Variants in SNX25 observed in about 807,000 individuals in gnomAD.
SNX25 encodes the protein sorting nexin 25, also known as sorting nexin-25.
Under a neutral mutation model 113.7 loss-of-function variants are expected in SNX25, and 62 were observed. The observed-to-expected ratio is 0.55, with a 90% CI of 0.44 to 0.67. The LOEUF is 0.67. SNX25 is among the 30% of genes least tolerant of loss of function. The pLI is 0.00. For synonymous variants in SNX25, 421 were observed against 436.2 expected (o/e 0.97, Z 0.43); for missense variants, 1,014 against 1,161.0 (o/e 0.87, Z 1.84).
intron 15 of SNX25, among the ~76,000 whole-genome samples, chr4:185,354,657 A>G (rs192021712): frequency 1.6e-4 from 24 of 152,344 alleles, no homozygotes; most frequent in African/African-American, 5.5e-4. Flanking sequence ...TAAGAGCTAT[A>G]CAAGTGCCTC....
intron 1 of SNX25, among the ~76,000 whole-genome samples, chr4:185,231,063 G>T (rs1468095215): frequency 6.6e-6 from 1 of 151,612 alleles, no homozygotes; most frequent in Non-Finnish European, 1.5e-5. Context: ...GTCGCACAAA[G>T]GCCTGTCTTA....
rs530709611 is a variant in SNX25, at chr4:185,349,953, A to G, written c.2302-1492A>G. ...GAGAACATCTCACTACTCCTGATCCATCCTCACATACAGGTTGAACTGACC... is the reference window on the plus strand; with the variant it reads ...GAGAACATCTCACTACTCCTGATCCGTCCTCACATACAGGTTGAACTGACC... On this transcript the variant is annotated intron_variant, in intron 13 of 18. Transcript: ENST00000652585. Among the ~76,000 whole-genome samples, 7 of 152,234 alleles carry G rather than the reference A, an allele frequency of 4.6e-5. No individual in the cohort carries two copies. The South Asian group carries it at 6.2e-4, about 13-fold the overall frequency.
Position 185,302,621 on chromosome 4 carries a change from C to T in SNX25, c.1163-8014C>T, listed in dbSNP as rs77579401. On this transcript the variant is annotated intron_variant, in intron 6 of 18. Transcript: ENST00000652585. ...CTTATAAAAGAGGCCTCAGAGACTG[C>T]CTTGCACCTTCTGCCATGTGAGGAT... Among the ~76,000 whole-genome samples, 1,392 of 152,316 alleles carry T rather than the reference C, an allele frequency of 9.1e-3. 19 individuals are homozygous for T. The highest frequency in any genetic ancestry group is 0.032 in the African/African-American group (1,319 of 41,560).
chr4:185,287,772 A>C (rs1751544034), intron 5 of SNX25, among the ~76,000 whole-genome samples: 1 of 151,932 alleles, frequency 6.6e-6, no homozygotes, highest in African/African-American at 2.4e-5. Flanking sequence ...TGGTATAGGG[A>C]ACAGAGTGGA....
At chr4:185,238,525 A>G (rs1396412150) in intron 1 of SNX25, among the ~76,000 whole-genome samples, 2 of 152,132 alleles carry the variant, frequency 1.3e-5, no homozygotes, top group African/African-American at 4.8e-5. Context: ...GTTGTTTCGA[A>G]AGAGGTCCTG....
chr4:185,354,912 CAGT>C (rs952805322), intron 15 of SNX25, among the ~76,000 whole-genome samples: 1 of 152,216 alleles, frequency 6.6e-6, no homozygotes, highest in African/African-American at 2.4e-5. Context: ...TAGTAAGACT[CAGT>C]AGTGGCACCA....
intron 1 of SNX25, among the ~76,000 whole-genome samples, chr4:185,237,916 A>G (rs1255570766): frequency 6.6e-6 from 1 of 151,646 alleles, no homozygotes; most frequent in Non-Finnish European, 1.5e-5. Flanking sequence ...TACAAAAATT[A>G]GCCGGGCGTG....
intron 5 of SNX25, among the ~76,000 whole-genome samples, chr4:185,287,578 G>A (rs1262284056): frequency 6.6e-6 from 1 of 152,236 alleles, no homozygotes; most frequent in Non-Finnish European, 1.5e-5. Flanking sequence ...CATTTGAAAT[G>A]TGGCTAGTGT....
intron 5 of SNX25, among the ~76,000 whole-genome samples, chr4:185,280,214 C>T (rs188504804): frequency 6.6e-6 from 1 of 152,318 alleles, no homozygotes; most frequent in East Asian, 1.9e-4. Context: ...CCACACCATG[C>T]TGCAGTTTTA....
intron 3 of SNX25, among the ~76,000 whole-genome samples, chr4:185,262,153 A>C (rs189636371): frequency 8.0e-4 from 122 of 152,310 alleles, no homozygotes; most frequent in African/African-American, 2.7e-3. Flanking sequence ...AAGAATAATA[A>C]ATTGCCTTAA....
intron 12 of SNX25, among the ~76,000 whole-genome samples, chr4:185,345,570 G>A (rs2126731407): frequency 6.6e-6 from 1 of 152,210 alleles, no homozygotes; most frequent in African/African-American, 2.4e-5. Flanking sequence ...TGAGGCAGGA[G>A]GATCGCTTGT....
intron 10 of SNX25, 149 bp from the exon 11 acceptor site, chr4:185,339,229 AT>A: frequency 1.6e-6 from 1 of 608,156 alleles, no homozygotes; most frequent in South Asian, 3.7e-5. Context: ...TGTAAGTGGA[AT>A]TTTTTTCTTA....
intron 2 of SNX25, among the ~76,000 whole-genome samples, chr4:185,248,037 C>T (rs754270204): frequency 1.2e-4 from 18 of 152,054 alleles, no homozygotes; most frequent in African/African-American, 4.8e-5. Context: ...TGATGTTAGA[C>T]GTGAAGTTAA....
chr4:185,212,870 T>A (rs1738172635), intron 1 of SNX25, among the ~76,000 whole-genome samples: 1 of 152,200 alleles, frequency 6.6e-6, no homozygotes, highest in South Asian at 2.1e-4. Flanking sequence ...AGAATCCTCA[T>A]TTATCCTTAT....
downstream of SNX25, among the ~76,000 whole-genome samples, chr4:185,371,459 G>A (rs370461788): frequency 2.7e-5 from 4 of 150,556 alleles, no homozygotes; most frequent in East Asian, 3.9e-4. Flanking sequence ...GGAGAATGGC[G>A]TGAACCCGGA....
At chr4:185,316,432 G>C (rs2095075046) in intron 7 of SNX25, among the ~76,000 whole-genome samples, 1 of 152,196 alleles carries the variant, frequency 6.6e-6, no homozygotes, top group Non-Finnish European at 1.5e-5. Context: ...TCCAAAGCCT[G>C]AGCAACTCTA....
chr4:185,338,705 T>C (rs2095245099), intron 10 of SNX25, among the ~76,000 whole-genome samples: 1 of 152,254 alleles, frequency 6.6e-6, no homozygotes, highest in Non-Finnish European at 1.5e-5. Flanking sequence ...TGCCTGTGAA[T>C]GTCCAATTTT....
chr4:185,361,847 G>T lies in SNX25; in HGVS notation c.2652-77G>T, dbSNP rs565351717. On this transcript the variant is annotated intron_variant, in intron 16 of 18. Transcript: ENST00000652585. Reference sequence around the variant, plus strand: ...TAGATCAGGCTGTATCTTAACCTTCGTATTGATAAGTGCCTTTTGAGAATA... The same window carrying T: ...TAGATCAGGCTGTATCTTAACCTTCTTATTGATAAGTGCCTTTTGAGAATA... 68 of 1,396,820 alleles carry T rather than the reference G, an allele frequency of 4.9e-5. No individual in the cohort carries two copies. In the South Asian group the frequency reaches 8.8e-4, roughly 18 times the overall value. 86.5% of individuals were successfully genotyped at this position (1,396,820 alleles called of 1,614,324 possible). A position where few individuals can be genotyped will look rare whatever the true frequency, so the allele number is the denominator to read the frequency against.
At chr4:185,249,827 T>TCTCTC (rs1333183271) in intron 2 of SNX25, among the ~76,000 whole-genome samples, 1 of 152,210 alleles carries the variant, frequency 6.6e-6, no homozygotes, top group African/African-American at 2.4e-5. Flanking sequence ...CTGCTGAGAT[T>TCTCTC]CTCTCGTCTG....
Sources: allele counts gnomAD v4.1 joint callset (sites outside exome capture counted in the v4.1 genomes callset), GRCh38; gene constraint gnomAD v4.1.1; transcripts MANE v1.5; gene names NCBI Gene and HGNC (gene_info 2026-07-23, HGNC 2026-07-21).